PRKD1: variants seen among roughly 807,000 people sequenced by gnomAD.
PRKD1 encodes the protein protein kinase D1.
Under a neutral mutation model 95.9 loss-of-function variants are expected in PRKD1, and 63 were observed. The ratio of observed to expected loss-of-function variants is 0.66; its 90% CI spans 0.54 to 0.81. PRKD1 has a LOEUF of 0.81. Among genes scored for constraint, PRKD1 ranks in the 30% least tolerant of loss-of-function variants. PRKD1 has a pLI of 0.00. For synonymous variants in PRKD1, 425 were observed against 423.1 expected, an observed-to-expected ratio of 1.00 and a Z score of -0.05; for missense variants, 1,048 against 1,165.3, an observed-to-expected ratio of 0.90 and a Z score of 1.47.
At chr14:29,831,718 C>A (rs1003686568) in intron 1 of PRKD1, among the ~76,000 whole-genome samples, 2 of 152,024 alleles carry the variant, frequency 1.3e-5, no homozygotes, top group East Asian at 3.9e-4. Context: ...TTCTTACTCT[C>A]TTTTGTTCTC....
intron 9 of PRKD1, among the ~76,000 whole-genome samples, chr14:29,631,959 G>A (rs1880035312): frequency 6.6e-6 from 1 of 151,660 alleles, no homozygotes; most frequent in Admixed American, 6.6e-5. Context: ...ATCCCATCAC[G>A]ACTGGCTAAT....
chr14:29,722,601 T>G (rs1275870034), intron 2 of PRKD1, among the ~76,000 whole-genome samples: 1 of 152,212 alleles, frequency 6.6e-6, no homozygotes, highest in Non-Finnish European at 1.5e-5. Context: ...TCATACATAT[T>G]TATTGAGAAC....
intron 1 of PRKD1, among the ~76,000 whole-genome samples, chr14:29,810,350 C>G (rs1433964331): frequency 6.6e-6 from 1 of 152,148 alleles, no homozygotes; most frequent in Non-Finnish European, 1.5e-5. Flanking sequence ...ATCAAGTGAA[C>G]AGCAATATAA....
chr14:29,695,647 G>A (rs1318931777), intron 2 of PRKD1, among the ~76,000 whole-genome samples: 1 of 152,196 alleles, frequency 6.6e-6, no homozygotes, highest in Non-Finnish European at 1.5e-5. Flanking sequence ...TGGGTATTTT[G>A]CCTTTGCAAA....
intron 1 of PRKD1, among the ~76,000 whole-genome samples, chr14:29,750,133 G>C (rs961019537): frequency 2.0e-5 from 3 of 152,060 alleles, no homozygotes; most frequent in Non-Finnish European, 4.4e-5. Flanking sequence ...GTGAAACAAA[G>C]GACGTTTCAT....
chr14:29,685,842 G>T (rs1883834199), intron 2 of PRKD1, among the ~76,000 whole-genome samples: 1 of 151,790 alleles, frequency 6.6e-6, no homozygotes, highest in Non-Finnish European at 1.5e-5. Context: ...TTTCTATTTT[G>T]GACTGTATAA....
At chr14:29,769,340 G>C (rs866366462) in intron 1 of PRKD1, among the ~76,000 whole-genome samples, 29 of 151,978 alleles carry the variant, frequency 1.9e-4, no homozygotes, top group Non-Finnish European at 1.0e-4. Context: ...AGGCTGAGGG[G>C]GGATGACTGT....
chr14:29,822,139 T>A (rs754912901), intron 1 of PRKD1, among the ~76,000 whole-genome samples: 29 of 152,188 alleles, frequency 1.9e-4, no homozygotes, highest in Non-Finnish European at 4.0e-4. Context: ...GCCTCCCAGG[T>A]CACTATGGAA....
rs185177580 is a variant in PRKD1, at chr14:29,773,767, C to T, written c.265-48093G>A. Among the ~76,000 whole-genome samples the T allele has an allele frequency of 1.6e-4, 24 of 152,244 alleles. 1 individual carries two copies. The highest frequency in any genetic ancestry group is 1.2e-3 in the Admixed American group (18 of 15,296). On this transcript the variant is annotated intron_variant, in intron 1 of 17. Coordinates refer to ENST00000331968, the MANE Select transcript of PRKD1 (RefSeq NM_002742.3). ...TTGAGAGAATTAAATTCATAAGAGA[C>T]TGCAAGCTGCACACGAGACAATGAA...
chr14:29,727,933 T>G (rs1272584973), intron 1 of PRKD1, among the ~76,000 whole-genome samples: 1 of 151,432 alleles, frequency 6.6e-6, no homozygotes, highest in Non-Finnish European at 1.5e-5. Context: ...CACCGCATAT[T>G]CTCACTCATA....
chr14:29,892,113 T>C (rs1359553884), intron 1 of PRKD1, among the ~76,000 whole-genome samples: 6 of 152,142 alleles, frequency 3.9e-5, no homozygotes, highest in Non-Finnish European at 7.4e-5. Flanking sequence ...CACATACTTC[T>C]TTGAGATTCC....
At chr14:29,621,986 T>C (rs1226997823) in intron 13 of PRKD1, among the ~76,000 whole-genome samples, 2 of 152,190 alleles carry the variant, frequency 1.3e-5, no homozygotes, top group African/African-American at 4.8e-5. Flanking sequence ...ATTTATTGCA[T>C]CTGAGTTGTC....
In PRKD1 at chr14:29,725,560, C is replaced by T. The variant is rs370180862; in HGVS notation, c.379G>A (p.Asp127Asn). ...VKAASDIQEG[D>N]LIEVVLSASA... Reference sequence around the variant, plus strand: ...CCTGACAAGACCACTTCAATAAGATCGCCTTCCTGGATATCACTGGCCGCT... The same window carrying T: ...CCTGACAAGACCACTTCAATAAGATTGCCTTCCTGGATATCACTGGCCGCT... Residue 127 changes from aspartate to asparagine, a missense_variant, in exon 2 of 18, where the codon GAT becomes AAT. Physicochemically the swap from Asp to Asn is conservative, Grantham distance 23. Coordinates refer to ENST00000331968, the MANE Select transcript of PRKD1 (RefSeq NM_002742.3). 32 of 1,613,526 alleles carry T rather than the reference C, an allele frequency of 2.0e-5. No individual in the cohort carries two copies. The highest frequency in any genetic ancestry group is 1.7e-5 in the Admixed American group (1 of 59,948).
chr14:29,870,212 A>G (rs1355200481), intron 1 of PRKD1, among the ~76,000 whole-genome samples: 1 of 152,174 alleles, frequency 6.6e-6, no homozygotes, highest in Admixed American at 6.5e-5. Context: ...TCGTGCATTC[A>G]TGGATGCCAA....
chr14:29,745,634 A>AATT (rs750157850), intron 1 of PRKD1, among the ~76,000 whole-genome samples: 62 of 151,336 alleles, frequency 4.1e-4, no homozygotes, highest in East Asian at 1.2e-3. Context: ...ATGCCCAACT[A>AATT]ATTATTATTA....
chr14:29,795,004 TATA>T (rs1164404228), intron 1 of PRKD1, among the ~76,000 whole-genome samples: 1 of 152,158 alleles, frequency 6.6e-6, no homozygotes, highest in African/African-American at 2.4e-5. Flanking sequence ...TTTACATTTC[TATA>T]ATATTACTAA....
At chr14:29,779,039 C>A (rs976926689) in intron 1 of PRKD1, among the ~76,000 whole-genome samples, 1 of 152,162 alleles carries the variant, frequency 6.6e-6, no homozygotes, top group African/African-American at 2.4e-5. Context: ...ACAAAAACCA[C>A]ATGATTATCT....
chr14:29,630,839 A>G lies in PRKD1; in HGVS notation c.1575T>C (p.Gly525=), dbSNP rs751666383. 3.7e-6 allele frequency: 6 copies of G among 1,614,170 alleles called. No individual in the cohort carries two copies. In the South Asian group the frequency reaches 5.5e-5, roughly 15 times the overall value. Residue 525 remains glycine, a synonymous_variant, in exon 10 of 18, where the codon GGT becomes GGC. Coordinates refer to ENST00000331968, the MANE Select transcript of PRKD1 (RefSeq NM_002742.3). ...TCTCCCACATCCTGGCCACATCTGC[A>G]CCAACGCCACTGGTGAGAACACTGT... is the stretch of plus-strand genomic sequence containing the variant. ...PNNSVLTSGV[G]ADVARMWEIA...
intron 1 of PRKD1, among the ~76,000 whole-genome samples, chr14:29,734,857 C>T (rs978410048): frequency 4.6e-5 from 7 of 152,098 alleles, no homozygotes; most frequent in African/African-American, 1.7e-4. Context: ...TCCCTGAGCT[C>T]TTATCTCTGT....
Sources: allele counts gnomAD v4.1 joint callset (sites outside exome capture counted in the v4.1 genomes callset), GRCh38; gene constraint gnomAD v4.1.1; transcripts MANE v1.5; gene names NCBI Gene and HGNC (gene_info 2026-07-23, HGNC 2026-07-21).